The following MICAL3 variants were observed in gnomAD, a reference collection of about 807,000 sequenced individuals.
MICAL3 encodes the protein [F-actin]-monooxygenase MICAL3.
A neutral mutation model predicts 207.4 loss-of-function variants in MICAL3; 62 were observed. The ratio of observed to expected loss-of-function variants is 0.30; its 90% CI spans 0.24 to 0.37. The LOEUF is 0.37. Among genes scored for constraint, MICAL3 ranks in the 10% least tolerant of loss-of-function variants. MICAL3 has a pLI of 1.00. For missense variants in MICAL3, 2,368 were observed against 2,635.6 expected (o/e 0.90, Z 2.22); for synonymous variants, 1,077 against 1,069.3 (o/e 1.01, Z -0.14).
chr22:17,981,095 C>T (rs1488477535), intron 1 of MICAL3: 3 of 292,958 alleles, frequency 1.0e-5, no homozygotes, highest in Non-Finnish European at 2.2e-5. Flanking sequence ...TATATGGACA[C>T]ATTTATTTTC....
At chr22:17,957,124 T>C (rs1461710129) in intron 1 of MICAL3, among the ~76,000 whole-genome samples, 1 of 152,138 alleles carries the variant, frequency 6.6e-6, no homozygotes, top group East Asian at 1.9e-4. Flanking sequence ...CCATGCTTTG[T>C]TATGAGGTAA....
chr22:18,022,422 A>AC (rs766715382), intron 1 of MICAL3, among the ~76,000 whole-genome samples: 2 of 150,878 alleles, frequency 1.3e-5, no homozygotes, highest in Admixed American at 1.3e-4. Context: ...TCCGACCTGC[A>AC]CCCCCACCCT....
intron 23 of MICAL3, among the ~76,000 whole-genome samples, chr22:17,822,728 T>C (rs1921782964): frequency 6.6e-6 from 1 of 152,218 alleles, no homozygotes; most frequent in South Asian, 2.1e-4. Context: ...ACAGGTTGGC[T>C]CAGGCACCCA....
chr22:17,914,704 C>G (rs989307242), intron 1 of MICAL3, among the ~76,000 whole-genome samples: 1 of 152,210 alleles, frequency 6.6e-6, no homozygotes, highest in Non-Finnish European at 1.5e-5. Flanking sequence ...GCATCTGCTC[C>G]TTTGAAATGG....
Position 18,018,791 on chromosome 22 carries a change from C to T in MICAL3, c.-75+5490G>A, listed in dbSNP as rs192654178. 3.9e-4 allele frequency among the ~76,000 whole-genome samples: 59 copies of T among 152,156 alleles called. 3 individuals are homozygous for T. The East Asian group carries it at 7.7e-3, about 20-fold the overall frequency. On this transcript the variant is annotated intron_variant, in intron 1 of 31. Coordinates refer to ENST00000441493, the MANE Select transcript of MICAL3 (RefSeq NM_015241.3). ...ATCTACACACACACACACATACACA[C>T]ATACACACACACACACAGTATACAA... is the stretch of plus-strand genomic sequence containing the variant.
intron 1 of MICAL3, among the ~76,000 whole-genome samples, chr22:17,961,493 C>A (rs567829963): frequency 2.5e-4 from 38 of 152,196 alleles, no homozygotes; most frequent in African/African-American, 8.9e-4. Flanking sequence ...TCCTTCCCCC[C>A]ACCCTCTCAC....
intron 1 of MICAL3, among the ~76,000 whole-genome samples, chr22:17,911,601 G>C (rs1356017487): frequency 6.6e-6 from 1 of 152,180 alleles, no homozygotes; most frequent in Admixed American, 6.5e-5. Context: ...AGGAGGCCAA[G>C]GTAGGAAGAT....
chr22:17,797,836 C>T (rs5992846), intron 29 of MICAL3, among the ~76,000 whole-genome samples: 22,300 of 152,298 alleles, frequency 0.15, 2,124 homozygotes, highest in African/African-American at 0.27. Flanking sequence ...GAGGTGGGCA[C>T]AGCCACAGCG....
chr22:17,952,878 G>A (rs1016784757), intron 1 of MICAL3, among the ~76,000 whole-genome samples: 4 of 152,084 alleles, frequency 2.6e-5, no homozygotes, highest in African/African-American at 4.8e-5. Flanking sequence ...TTTCCTTTTC[G>A]GGCAAAAGAA....
intron 29 of MICAL3, chr22:17,791,557 C>A: frequency 1.8e-6 from 1 of 544,508 alleles, no homozygotes; most frequent in Non-Finnish European, 3.3e-6. Context: ...CTCCCCGGGG[C>A]TGGTTTCTAC....
intron 1 of MICAL3, among the ~76,000 whole-genome samples, chr22:17,959,431 C>T (rs1934794022): frequency 6.6e-6 from 1 of 152,136 alleles, no homozygotes; most frequent in South Asian, 2.1e-4. Flanking sequence ...TCTCCTGCCT[C>T]AGCCTCCCGA....
chr22:18,012,631 C>T (rs1923819809), intron 1 of MICAL3, among the ~76,000 whole-genome samples: 1 of 152,222 alleles, frequency 6.6e-6, no homozygotes. Context: ...TGCAGGAGCA[C>T]CTTGTCAGTT....
At chr22:17,877,941 C>T (rs1022008112) in intron 16 of MICAL3, among the ~76,000 whole-genome samples, 5 of 152,084 alleles carry the variant, frequency 3.3e-5, no homozygotes, top group African/African-American at 1.2e-4. Flanking sequence ...CAAGCTCTGC[C>T]TCCTGGGTTG....
At chr22:17,936,541 T>C (rs1461934473) in intron 1 of MICAL3, among the ~76,000 whole-genome samples, 4 of 151,658 alleles carry the variant, frequency 2.6e-5, no homozygotes, top group Non-Finnish European at 5.9e-5. Context: ...AACCTGCATG[T>C]TGTGCACATG....
chr22:17,916,873 C>T (rs889624881), intron 1 of MICAL3, among the ~76,000 whole-genome samples: 1 of 152,216 alleles, frequency 6.6e-6, no homozygotes, highest in South Asian at 2.1e-4. Context: ...AAACTGTGAT[C>T]TGCAGTTTAA....
At chr22:17,812,482 C>A in intron 27 of MICAL3, 1 of 984,676 alleles carries the variant, frequency 1.0e-6, no homozygotes, top group Non-Finnish European at 1.2e-6. Context: ...GCAACGGTGA[C>A]CAGCTGACAG....
rs779333494 is a variant in MICAL3, at chr22:17,872,015, C to T, written c.2250G>A (p.Met750Ile). ...QSIGIRRQGS[M>I]KKEFPQNLGG... ...CCAGGTTCTGCGGGAACTCCTTCTTCATGGAGCCCTGCAGGAGGTGGCGGT... is the reference window on the plus strand; with the variant it reads ...CCAGGTTCTGCGGGAACTCCTTCTTTATGGAGCCCTGCAGGAGGTGGCGGT... The change falls in exon 17 of 32, where the codon ATG becomes ATA. Residue 750 changes from methionine to isoleucine, a missense_variant. Met to Ile is a conservative substitution (Grantham distance 10). Coordinates refer to ENST00000441493, the MANE Select transcript of MICAL3 (RefSeq NM_015241.3). 2.5e-6 allele frequency: 4 copies of T among 1,602,990 alleles called. No homozygotes were observed. In the South Asian group the frequency reaches 4.5e-5, roughly 18 times the overall value.
intron 1 of MICAL3, among the ~76,000 whole-genome samples, chr22:17,996,134 TAAAA>T (rs35369164): frequency 3.2e-5 from 3 of 93,616 alleles, no homozygotes; most frequent in Non-Finnish European, 6.2e-5. Flanking sequence ...TGTCTCAATT[TAAAA>T]AAAAAAAAAA....
At chr22:17,792,534 C>G (rs1299000108) in intron 29 of MICAL3, among the ~76,000 whole-genome samples, 1 of 152,206 alleles carries the variant, frequency 6.6e-6, no homozygotes, top group Non-Finnish European at 1.5e-5. Flanking sequence ...CCAGCCACAG[C>G]CCGAGTCCTC....
Sources: gnomAD v4.1 joint callset for allele counts (sites outside exome capture counted in the v4.1 genomes callset) on GRCh38, gnomAD v4.1.1 for gene constraint, MANE v1.5 for transcripts, NCBI Gene and HGNC (gene_info 2026-07-23, HGNC 2026-07-21) for gene names.